Variants in RASSF4 observed in about 807,000 individuals in gnomAD.
RASSF4 encodes Ras association domain family member 4, also known as ras association domain-containing protein 4.
A neutral mutation model predicts 41.1 loss-of-function variants in RASSF4; 38 were observed. That is an observed-to-expected ratio of 0.92 (90% confidence interval 0.71 to 1.21). The LOEUF (loss-of-function observed/expected upper bound fraction) is 1.21. Ranked by LOEUF, RASSF4 falls within the 50% of genes most tolerant of loss-of-function variation. The probability of loss-of-function intolerance (pLI) is 0.00; values close to 1 mark genes in which losing one functional copy is unlikely to be tolerated. For missense variants in RASSF4, 414 were observed against 419.4 expected (o/e 0.99, Z 0.11); for synonymous variants, 179 against 163.4 (o/e 1.10, Z -0.73).
chr10:44,963,054 C>G (rs1372034634), intron 1 of RASSF4, among the ~76,000 whole-genome samples: 1 of 152,100 alleles, frequency 6.6e-6, no homozygotes, highest in African/African-American at 2.4e-5. Context: ...TAAAGGTGAG[C>G]TGGGCCTGTG....
intron 2 of RASSF4, 50 bp downstream of exon 2, chr10:44,970,314 C>T: frequency 6.7e-7 from 1 of 1,487,558 alleles, no homozygotes; most frequent in Non-Finnish European, 9.4e-7. Context: ...ATTTGCCATC[C>T]CCCTCATCCT....
chr10:44,983,815 C>T lies in RASSF4; in HGVS notation c.282-207C>T, dbSNP rs1588836829. 1.1e-5 allele frequency: 9 copies of T among 800,336 alleles called. No individual in the cohort carries two copies. In the East Asian group the frequency reaches 2.2e-4, roughly 20 times the overall value. 49.6% of individuals were successfully genotyped at this position (800,336 alleles called of 1,614,324 possible). A position where few individuals can be genotyped will look rare whatever the true frequency, so the allele number is the denominator to read the frequency against. On this transcript the variant is annotated intron_variant, in intron 4 of 10. Coordinates refer to ENST00000340258, the MANE Select transcript of RASSF4 (RefSeq NM_032023.4). ...CCTCAGGTCTGCAGGGCCAGGCTCA[C>T]TCTCCGTCCAGCAGATGCTGGGGGG...
intron 3 of RASSF4, chr10:44,982,257 T>A: frequency 1.9e-6 from 1 of 513,000 alleles, no homozygotes; most frequent in South Asian, 2.3e-5. Context: ...AGCAGCTGGC[T>A]TCCTGTGGGA....
At chr10:44,988,538 C>G (rs894215436) in intron 6 of RASSF4, among the ~76,000 whole-genome samples, 2 of 151,984 alleles carry the variant, frequency 1.3e-5, no homozygotes, top group East Asian at 3.9e-4. Flanking sequence ...GTCATACGTG[C>G]GAGACAATGA....
At chr10:44,970,292 G>A (rs1426656389) in intron 2 of RASSF4, 28 bp downstream of exon 2, 3 of 1,601,470 alleles carry the variant, frequency 1.9e-6, no homozygotes, top group Non-Finnish European at 2.6e-6. Context: ...GGTTGGGCGG[G>A]GGAGTCTTCA....
At chr10:44,968,591 G>A (rs1393250876) in intron 1 of RASSF4, among the ~76,000 whole-genome samples, 2 of 152,170 alleles carry the variant, frequency 1.3e-5, no homozygotes, top group African/African-American at 4.8e-5. Flanking sequence ...TAGCACAGAG[G>A]GCAGGTTTGT....
At chr10:44,976,714 T>G (rs1841443010) in intron 3 of RASSF4, 1 of 152,326 alleles carries the variant, frequency 6.6e-6, no homozygotes, top group South Asian at 2.1e-4. Flanking sequence ...GGTGTAGGGG[T>G]GGGGATGGTA....
chr10:44,964,783 C>T (rs760550053), intron 1 of RASSF4, among the ~76,000 whole-genome samples: 9 of 152,228 alleles, frequency 5.9e-5, no homozygotes, highest in Non-Finnish European at 1.0e-4. Flanking sequence ...TGCGTGTTCC[C>T]CCTTGCAGTT....
intron 1 of RASSF4, among the ~76,000 whole-genome samples, chr10:44,960,827 C>A (rs774466281): frequency 6.6e-6 from 1 of 152,248 alleles, no homozygotes; most frequent in East Asian, 1.9e-4. Context: ...AGGAGCCCCT[C>A]GCTGGCTTTG....
chr10:44,972,360 G>A (rs1474017501), intron 3 of RASSF4, among the ~76,000 whole-genome samples: 1 of 152,240 alleles, frequency 6.6e-6, no homozygotes, highest in African/African-American at 2.4e-5. Flanking sequence ...CAGCGCAGGT[G>A]TGGGGAGTGG....
At chr10:44,974,946 G>A (rs1044221836) in intron 3 of RASSF4, among the ~76,000 whole-genome samples, 1 of 152,204 alleles carries the variant, frequency 6.6e-6, no homozygotes, top group African/African-American at 2.4e-5. Context: ...GATGGCAAAG[G>A]GCTTTAGCCA....
At chr10:44,989,947 G>A (rs749762415) in intron 8 of RASSF4, among the ~76,000 whole-genome samples, 5 of 152,232 alleles carry the variant, frequency 3.3e-5, no homozygotes, top group East Asian at 1.9e-4. Context: ...TTTTGGCTTC[G>A]AATTTAAAGC....
intron 1 of RASSF4, among the ~76,000 whole-genome samples, chr10:44,967,351 G>A (rs1840941624): frequency 6.6e-6 from 1 of 152,258 alleles, no homozygotes; most frequent in South Asian, 2.1e-4. Context: ...TCAGAATGAG[G>A]CCCACAGCCC....
chr10:44,967,603 T>C (rs1054630860), intron 1 of RASSF4, among the ~76,000 whole-genome samples: 1 of 152,222 alleles, frequency 6.6e-6, no homozygotes, highest in Non-Finnish European at 1.5e-5. Flanking sequence ...TGGAGACTTT[T>C]ATATTATTTA....
intron 3 of RASSF4, among the ~76,000 whole-genome samples, chr10:44,973,834 T>C (rs1272584482): frequency 1.3e-5 from 2 of 152,166 alleles, no homozygotes; most frequent in African/African-American, 2.4e-5. Context: ...CATAGAGAAG[T>C]AGGGGACTCT....
chr10:44,983,969 A>T (rs1463223156), intron 4 of RASSF4, 53 bp from the exon 5 acceptor site: 1 of 1,553,318 alleles, frequency 6.4e-7, no homozygotes, highest in Non-Finnish European at 8.7e-7. Flanking sequence ...CCTTGGCCTG[A>T]GCTCCCTTTC....
intron 8 of RASSF4, 121 bp downstream of exon 8, chr10:44,989,842 AGTGGGCTAGGGCACACT>A: frequency 1.1e-6 from 1 of 887,788 alleles, no homozygotes; most frequent in Non-Finnish European, 1.9e-6. Context: ...TGGCTTGCCT[AGTGGGCTAGGGCACACT>A]GTGCCTCCCA....
chr10:44,982,411 C>A, intron 3 of RASSF4, 110 bp from the exon 4 acceptor site: 1 of 1,381,368 alleles, frequency 7.2e-7, no homozygotes, highest in South Asian at 1.2e-5. Flanking sequence ...TGGGGCCACT[C>A]AGGAGGAGGG....
At chr10:44,981,203 T>C (rs1049855920) in intron 3 of RASSF4, 4 of 152,028 alleles carry the variant, frequency 2.6e-5, no homozygotes, top group Non-Finnish European at 5.9e-5. Context: ...GAGAGAGAAA[T>C]GGGATTTGTG....
Sources: gnomAD v4.1 joint callset for allele counts (sites outside exome capture counted in the v4.1 genomes callset) on GRCh38, gnomAD v4.1.1 for gene constraint, MANE v1.5 for transcripts, NCBI Gene and HGNC (gene_info 2026-07-23, HGNC 2026-07-21) for gene names.